SELENOK: variants seen among roughly 807,000 people sequenced by gnomAD.
The protein encoded by SELENOK is selenoprotein K.
Under a neutral mutation model 17.3 loss-of-function variants are expected in SELENOK, and 11 were observed. The observed-to-expected ratio is 0.63, with a 90% CI of 0.40 to 1.05. The LOEUF is 1.05. Among genes scored for constraint, SELENOK ranks in the 50% least tolerant of loss-of-function variants. The pLI is 0.00. For missense variants in SELENOK, 125 were observed against 113.9 expected (o/e 1.10, Z -0.44); for synonymous variants, 45 against 35.4 (o/e 1.27, Z -0.97).
chr3:53,885,693 G>T (rs34310576), intron 4 of SELENOK, 132 bp from the exon 5 acceptor site: 55,972 of 1,233,122 alleles, frequency 0.045, 1,536 homozygotes, highest in Middle Eastern at 0.079. Flanking sequence ...TTTTTCAAGG[G>T]TTAAGATAAC....
rs956350827 is a variant in SELENOK, at chr3:53,885,011, A to C, written c.*547T>G. ...TAGCTATGGTTTTATAAATACCCTGATAATTACATTTGGTAGCAAATTAGA... is the reference window on the plus strand; with the variant it reads ...TAGCTATGGTTTTATAAATACCCTGCTAATTACATTTGGTAGCAAATTAGA... On this transcript the variant is annotated 3_prime_UTR_variant, in exon 5 of 5. Coordinates refer to ENST00000495461, the MANE Select transcript of SELENOK (RefSeq NM_021237.5). 4 of 152,290 alleles carry C rather than the reference A, an allele frequency of 2.6e-5. No homozygotes were observed. The highest frequency in any genetic ancestry group is 9.6e-5 in the African/African-American group (4 of 41,470). 9.4% of individuals were successfully genotyped at this position (152,290 alleles called of 1,614,324 possible).
At position 53,885,435 on chromosome 3, in the gene SELENOK, G is replaced by C. The variant is rs1346685011; in HGVS notation, c.*123C>G. On this transcript the variant is annotated 3_prime_UTR_variant, in exon 5 of 5. Coordinates refer to ENST00000495461, the MANE Select transcript of SELENOK (RefSeq NM_021237.5). ...GACCTCATTCATCTGTGAGGACACA[G>C]AGCAGTCCTTGTTTAGACATACACA... 17 of 933,278 alleles carry C rather than the reference G, an allele frequency of 1.8e-5. No homozygotes were observed. The highest frequency in any genetic ancestry group is 1.2e-4 in the South Asian group (8 of 64,642). The allele number at this position is 933,278 out of a possible 1,614,324, so 57.8% of individuals were successfully genotyped here.
In SELENOK at chr3:53,885,806, A is replaced by T. The variant is rs1214561562; in HGVS notation, c.281+20T>A. On this transcript the variant is annotated intron_variant, in intron 4 of 4. Coordinates refer to ENST00000495461, the MANE Select transcript of SELENOK (RefSeq NM_021237.5). ...TTTTCAAAACAAAATCCTACAAAAGAATTTCAGATCTGAAGTTACCTTCCT... is the reference window on the plus strand; with the variant it reads ...TTTTCAAAACAAAATCCTACAAAAGTATTTCAGATCTGAAGTTACCTTCCT... The T allele has an allele frequency of 2.6e-6, 4 of 1,555,424 alleles. No homozygotes were observed. The African/African-American group carries it at 4.1e-5, about 16-fold the overall frequency.
chr3:53,891,661 A>T, intron 1 of SELENOK, 109 bp downstream of exon 1: 1 of 1,443,422 alleles, frequency 6.9e-7, no homozygotes, highest in Non-Finnish European at 9.7e-7. Context: ...CGGGGCGCTA[A>T]GCCCGGGGAA....
rs1246896464 is a variant in SELENOK at position 53,886,924 on chromosome 3, G to A, written c.121C>T (p.Leu41=). 1 of 1,560,444 alleles carries A rather than the reference G, an allele frequency of 6.4e-7. No homozygotes were observed. Among genetic ancestry groups the A allele is most frequent in the South Asian group, 1.2e-5 (1 of 83,130 alleles). Residue 41 remains leucine (L), a synonymous_variant, in exon 3 of 5, where the codon CTG becomes TTG. Transcript: ENST00000495461. The part of the protein sequence containing the change: ...AEFVVLFFKT[L]LQQDVKKRRS... Reference sequence around the variant, plus strand: ...CTTTTTTTCACATCTTGCTGAAGCAGAGTTTTGAAACTGAAACAAGGGGCA... The same window carrying A: ...CTTTTTTTCACATCTTGCTGAAGCAAAGTTTTGAAACTGAAACAAGGGGCA...
chr3:53,891,229 G>C (rs935246695), intron 1 of SELENOK, among the ~76,000 whole-genome samples: 25 of 152,154 alleles, frequency 1.6e-4, no homozygotes, highest in Admixed American at 2.0e-4. Flanking sequence ...CAGCATAACA[G>C]ATAACAAGGA....
At chr3:53,888,319 T>G (rs771231767) in intron 2 of SELENOK, 74 bp downstream of exon 2, 2 of 910,442 alleles carry the variant, frequency 2.2e-6, no homozygotes, top group Non-Finnish European at 3.5e-6. Context: ...TTATTTAAGA[T>G]CCCTAACATA....
In SELENOK at chr3:53,891,667, G is replaced by C. The variant is rs546826729; in HGVS notation, c.19+103C>G. ...GCCCGGCCGCGGGGCGCTAAGCCCG[G>C]GGAAGCCGCACCGGGCTCAAGACTC... On this transcript the variant is annotated intron_variant, in intron 1 of 4. Coordinates refer to ENST00000495461, the MANE Select transcript of SELENOK (RefSeq NM_021237.5). 4 of 1,485,878 alleles carry C rather than the reference G, an allele frequency of 2.7e-6. No individual in the cohort carries two copies. The South Asian group carries it at 4.6e-5, about 17-fold the overall frequency. The allele number at this position is 1,485,878 out of a possible 1,614,324, so 92.0% of individuals were successfully genotyped here.
At chr3:53,888,340 T>A in intron 2 of SELENOK, 53 bp downstream of exon 2, 2 of 1,109,316 alleles carry the variant, frequency 1.8e-6, no homozygotes, top group South Asian at 2.5e-5. Flanking sequence ...ATGCACATGA[T>A]GTATACCTGT....
In SELENOK at chr3:53,884,510, A is replaced by C. The variant is rs969584549; in HGVS notation, c.*1048T>G. 1.3e-5 allele frequency: 2 copies of C among 152,260 alleles called. No homozygotes were observed. Among genetic ancestry groups the C allele is most frequent in the Non-Finnish European group, 2.9e-5 (2 of 68,046 alleles). The allele number at this position is 152,260 out of a possible 1,614,324, so 9.4% of individuals were successfully genotyped here. On this transcript the variant is annotated 3_prime_UTR_variant, in exon 5 of 5. Transcript: ENST00000495461. Reference sequence around the variant, plus strand: ...TCAAAGGACTGGGGTAAAGACAACAAAATTCCTAGTCTCAGAGCTTCCACT... The same window carrying C: ...TCAAAGGACTGGGGTAAAGACAACACAATTCCTAGTCTCAGAGCTTCCACT...
At chr3:53,891,680 G>A (rs1034813661) in intron 1 of SELENOK, 90 bp downstream of exon 1, 2 of 1,542,276 alleles carry the variant, frequency 1.3e-6, no homozygotes, top group Non-Finnish European at 1.8e-6. Context: ...AAGCCGCACC[G>A]GGCTCAAGAC....
intron 4 of SELENOK, 99 bp downstream of exon 4, chr3:53,885,727 G>C (rs1700120765): frequency 8.4e-7 from 1 of 1,196,514 alleles, no homozygotes; most frequent in South Asian, 1.3e-5. Flanking sequence ...AATAATGTCT[G>C]AGTAATTATA....
chr3:53,891,675 G>A, intron 1 of SELENOK, 95 bp downstream of exon 1: 1 of 1,507,094 alleles, frequency 6.6e-7, no homozygotes, highest in Non-Finnish European at 9.2e-7. Flanking sequence ...CGGGGAAGCC[G>A]CACCGGGCTC....
chr3:53,890,268 C>G (rs1700157883), intron 1 of SELENOK, among the ~76,000 whole-genome samples: 1 of 151,960 alleles, frequency 6.6e-6, no homozygotes, highest in Non-Finnish European at 1.5e-5. Flanking sequence ...CAGGGCTAGC[C>G]ATCACATAAG....
chr3:53,887,191 C>A (rs1474602964), intron 2 of SELENOK, among the ~76,000 whole-genome samples: 1 of 152,132 alleles, frequency 6.6e-6, no homozygotes, highest in African/African-American at 2.4e-5. Context: ...GAGCATGAAA[C>A]CAGAGTCATC....
At position 53,884,647 on chromosome 3, in the gene SELENOK, T is replaced by G. The variant is rs1030356964; in HGVS notation, c.*911A>C. ...TTTGTCAAGATAGCATGGAAGCCCA[T>G]GGTTTTATTTATTTTTTTGAGACAG... On this transcript the variant is annotated 3_prime_UTR_variant, in exon 5 of 5. Transcript: ENST00000495461. 6.6e-6 allele frequency: 1 copy of G among 152,246 alleles called. No individual in the cohort carries two copies. Among genetic ancestry groups the G allele is most frequent in the Non-Finnish European group, 1.5e-5 (1 of 68,070 alleles). The allele number at this position is 152,246 out of a possible 1,614,324, so 9.4% of individuals were successfully genotyped here. A position where few individuals can be genotyped will look rare whatever the true frequency, so the allele number is the denominator to read the frequency against.
chr3:53,886,544 T>A (rs1700128371), intron 3 of SELENOK, among the ~76,000 whole-genome samples: 1 of 152,212 alleles, frequency 6.6e-6, no homozygotes, highest in South Asian at 2.1e-4. Context: ...ATCTTCTAAG[T>A]TTTTAATTAG....
intron 4 of SELENOK, 98 bp from the exon 5 acceptor site, chr3:53,885,659 C>G: frequency 3.0e-6 from 4 of 1,343,786 alleles, no homozygotes; most frequent in Non-Finnish European, 4.2e-6. Context: ...TCTCAAAAGA[C>G]ATTTTGATAA....
Position 53,886,287 on chromosome 3 carries a change from AG to A in SELENOK, c.195-376del, listed in dbSNP as rs202194969. The stretch of plus-strand genomic sequence containing the variant: ...GAGTCCCACTCTGTCTCCAGGCTGG[AG>A]TGCAGTGGCACGATCTCAGCTCACT... On this transcript the variant is annotated intron_variant, in intron 3 of 4. Transcript: ENST00000495461. Among the ~76,000 whole-genome samples the A allele has an allele frequency of 1.2e-3, 177 of 152,154 alleles. 3 individuals carry two copies. In the East Asian group the frequency reaches 0.033, roughly 29 times the overall value.
Sources: allele counts gnomAD v4.1 joint callset (sites outside exome capture counted in the v4.1 genomes callset), GRCh38; gene constraint gnomAD v4.1.1; transcripts MANE v1.5; gene names NCBI Gene and HGNC (gene_info 2026-07-23, HGNC 2026-07-21).